Variants in GALNT13 observed in about 807,000 individuals in gnomAD.
The protein encoded by GALNT13 is polypeptide N-acetylgalactosaminyltransferase 13, also known as UDP-GalNAc:polypeptide N-acetylgalactosaminyltransferase 13.
A neutral mutation model predicts 64.2 loss-of-function variants in GALNT13; 28 were observed. That is an observed-to-expected ratio of 0.44 (90% confidence interval 0.32 to 0.60). GALNT13 has a LOEUF of 0.60. Among genes scored for constraint, GALNT13 ranks in the 20% least tolerant of loss-of-function variants. The pLI, the probability that GALNT13 is intolerant of heterozygous loss-of-function variation, is 0.05. For synonymous variants in GALNT13, 214 were observed against 224.6 expected (o/e 0.95, Z 0.42); for missense variants, 577 against 669.8 (o/e 0.86, Z 1.53).
At chr2:153,463,755 A>G in the GALNT13 span, among the ~76,000 whole-genome samples, 3 of 152,080 alleles carry the variant, frequency 2.0e-5, no homozygotes, top group African/African-American at 4.8e-5. Flanking sequence ...CCATAGAGGT[A>G]TGATTAACTT....
At chr2:154,082,673 A>T (rs1303321895) in intron 3 of GALNT13, among the ~76,000 whole-genome samples, 3 of 151,702 alleles carry the variant, frequency 2.0e-5, no homozygotes, top group African/African-American at 4.8e-5. Context: ...TGAGAAAGAC[A>T]TCTTCCTTCC....
At chr2:153,307,467 A>G in the GALNT13 span, among the ~76,000 whole-genome samples, 1 of 152,194 alleles carries the variant, frequency 6.6e-6, no homozygotes, top group African/African-American at 2.4e-5. Context: ...TACTGGATGA[A>G]CAATTACAAA....
chr2:153,455,620 A>C, the GALNT13 span, among the ~76,000 whole-genome samples: 64 of 152,186 alleles, frequency 4.2e-4, no homozygotes, highest in African/African-American at 1.5e-3. Context: ...GGTCCGCAGC[A>C]GTATCCGGGC....
At chr2:153,391,581 A>C in the GALNT13 span, among the ~76,000 whole-genome samples, 1 of 152,144 alleles carries the variant, frequency 6.6e-6, no homozygotes, top group African/African-American at 2.4e-5. Context: ...TTGAAACATG[A>C]AAATTAAAAA....
At chr2:153,321,848 G>A in the GALNT13 span, among the ~76,000 whole-genome samples, 1 of 152,098 alleles carries the variant, frequency 6.6e-6, no homozygotes, top group Non-Finnish European at 1.5e-5. Flanking sequence ...CATCCTCCAT[G>A]AAAGCTTTTG....
chr2:153,314,398 A>C, the GALNT13 span, among the ~76,000 whole-genome samples: 1 of 152,188 alleles, frequency 6.6e-6, no homozygotes. Flanking sequence ...TCGGCAAAGA[A>C]GTAGGTGATT....
chr2:153,875,824 G>A (rs1686327967), intron 1 of GALNT13, among the ~76,000 whole-genome samples: 1 of 152,090 alleles, frequency 6.6e-6, no homozygotes, highest in South Asian at 2.1e-4. Flanking sequence ...TTTAAAAATG[G>A]ACACTTCATA....
At chr2:153,498,283 C>T in the GALNT13 span, among the ~76,000 whole-genome samples, 2 of 152,240 alleles carry the variant, frequency 1.3e-5, no homozygotes, top group African/African-American at 4.8e-5. Flanking sequence ...CTTGGGGTGT[C>T]ACTTCGCCAG....
chr2:153,485,449 T>G, the GALNT13 span, among the ~76,000 whole-genome samples: 1 of 152,224 alleles, frequency 6.6e-6, no homozygotes, highest in Admixed American at 6.5e-5. Flanking sequence ...TTGCATTTGC[T>G]TTACATTTAA....
chr2:154,401,353 C>T (rs1699295632), intron 10 of GALNT13, among the ~76,000 whole-genome samples: 1 of 152,024 alleles, frequency 6.6e-6, no homozygotes, highest in African/African-American at 2.4e-5. Flanking sequence ...TCTTCTTGGC[C>T]CTTTAATAGG....
the GALNT13 span, among the ~76,000 whole-genome samples, chr2:153,456,964 G>T: frequency 1.3e-5 from 2 of 152,216 alleles, no homozygotes; most frequent in Non-Finnish European, 2.9e-5. Context: ...GAACCAGAGA[G>T]CTTAGAGCAG....
the GALNT13 span, among the ~76,000 whole-genome samples, chr2:153,410,977 C>T: frequency 1.3e-5 from 2 of 151,698 alleles, no homozygotes; most frequent in Admixed American, 6.6e-5. Context: ...TCAAACCATC[C>T]TCTCACCTCC....
At chr2:153,477,214 G>A in the GALNT13 span, 1 of 152,332 alleles carries the variant, frequency 6.6e-6, no homozygotes, top group Non-Finnish European at 1.5e-5. Context: ...GCCCCTCCAG[G>A]GGATCCACAA....
chr2:153,728,992 A>G, the GALNT13 span, among the ~76,000 whole-genome samples: 10 of 152,314 alleles, frequency 6.6e-5, no homozygotes, highest in South Asian at 2.1e-3. Context: ...TGAGGCAGTA[A>G]TTAATAGTGT....
At chr2:154,062,752 G>A (rs528194681) in intron 3 of GALNT13, among the ~76,000 whole-genome samples, 1 of 152,248 alleles carries the variant, frequency 6.6e-6, no homozygotes, top group South Asian at 2.1e-4. Flanking sequence ...GGGACACAGA[G>A]CCAAACCATA....
chr2:153,104,905 C>T, the GALNT13 span, among the ~76,000 whole-genome samples: 1 of 151,520 alleles, frequency 6.6e-6, no homozygotes, highest in Non-Finnish European at 1.5e-5. Context: ...TATTATTATA[C>T]TTTAAGTTTT....
the GALNT13 span, among the ~76,000 whole-genome samples, chr2:153,813,687 G>A: frequency 1.3e-5 from 2 of 152,138 alleles, no homozygotes; most frequent in Non-Finnish European, 2.9e-5. Context: ...CTTGAATACT[G>A]CCAGTGGCTG....
chr2:153,843,437 C>T, the GALNT13 span, among the ~76,000 whole-genome samples: 2 of 152,210 alleles, frequency 1.3e-5, no homozygotes, highest in African/African-American at 4.8e-5. Context: ...CCACCATGAT[C>T]CAAACATCTC....
the GALNT13 span, among the ~76,000 whole-genome samples, chr2:153,596,575 T>C: frequency 6.6e-6 from 1 of 152,262 alleles, no homozygotes; most frequent in East Asian, 1.9e-4. Context: ...AAAATTATTA[T>C]AAACATGGCA....
Sources: allele counts gnomAD v4.1 joint callset (sites outside exome capture counted in the v4.1 genomes callset), GRCh38; gene constraint gnomAD v4.1.1; transcripts MANE v1.5; gene names NCBI Gene and HGNC (gene_info 2026-07-23, HGNC 2026-07-21).